NXN: variants seen among roughly 807,000 people sequenced by gnomAD.
NXN encodes nucleoredoxin 1.
A neutral mutation model predicts 48.6 loss-of-function variants in NXN; 16 were observed. The observed-to-expected ratio is 0.33, with a 90% confidence interval of 0.22 to 0.50. NXN has a LOEUF of 0.50. Among genes scored for constraint, NXN ranks in the 20% least tolerant of loss-of-function variants. The probability of loss-of-function intolerance (pLI) is 0.98; values close to 1 mark genes in which losing one functional copy is unlikely to be tolerated. For synonymous variants in NXN, 281 were observed against 269.6 expected (o/e 1.04, Z -0.41); for missense variants, 492 against 605.5 (o/e 0.81, Z 1.97).
intron 1 of NXN, among the ~76,000 whole-genome samples, chr17:827,404 C>T (rs1184430217): frequency 6.6e-5 from 10 of 151,376 alleles, no homozygotes; most frequent in African/African-American, 1.9e-4. Flanking sequence ...GGGTGGATCA[C>T]GAGGCCAGGA....
chr17:842,923 G>A lies in NXN; in HGVS notation c.361-16845C>T, dbSNP rs1056996802. On this transcript the variant is annotated intron_variant, in intron 1 of 7. Coordinates refer to ENST00000336868, the MANE Select transcript of NXN (RefSeq NM_022463.5). Reference sequence around the variant, plus strand: ...CATTGCACTCCAGCCTGGGCAACAAGAGCAAAATTCCGTCTCAAAAAAAGA... The same window carrying A: ...CATTGCACTCCAGCCTGGGCAACAAAAGCAAAATTCCGTCTCAAAAAAAGA... Among the ~76,000 whole-genome samples the A allele has an allele frequency of 2.7e-5, 4 of 150,370 alleles. No homozygotes were observed. The Admixed American group carries it at 2.7e-4, about 10-fold the overall frequency.
intron 5 of NXN, among the ~76,000 whole-genome samples, chr17:806,953 C>T (rs543206678): frequency 2.4e-4 from 36 of 152,268 alleles, no homozygotes; most frequent in Admixed American, 4.6e-4. Flanking sequence ...CACACGCACG[C>T]GCCCACACAC....
At chr17:923,000 T>G (rs2068763793) in intron 1 of NXN, among the ~76,000 whole-genome samples, 1 of 152,060 alleles carries the variant, frequency 6.6e-6, no homozygotes, top group African/African-American at 2.4e-5. Flanking sequence ...GGGCCTGAGC[T>G]GGGAGCCCAG....
Position 849,275 on chromosome 17 carries a change from G to A in NXN, c.361-23197C>T, listed in dbSNP as rs1259897469. Among the ~76,000 whole-genome samples the A allele has an allele frequency of 2.6e-5, 4 of 152,222 alleles. No individual in the cohort carries two copies. Among genetic ancestry groups the A allele is most frequent in the Admixed American group, 6.5e-5 (1 of 15,288 alleles). ...CAGCTGGGCGCAGTGGCTCACGCCT[G>A]TAATCCCAGCACTTTGGGAGGCCGA... On this transcript the variant is annotated intron_variant, in intron 1 of 7. Transcript: ENST00000336868. The surrounding 1 kb of genome is among the most constrained non-coding windows in gnomAD (Gnocchi z 4.2).
In NXN at chr17:915,142, G is replaced by A. The variant is rs536124452; in HGVS notation, c.360+64177C>T. Among the ~76,000 whole-genome samples the A allele has an allele frequency of 4.6e-5, 7 of 152,180 alleles. No homozygotes were observed. The South Asian group carries it at 6.2e-4, about 14-fold the overall frequency. On this transcript the variant is annotated intron_variant, in intron 1 of 7. Coordinates refer to ENST00000336868, the MANE Select transcript of NXN (RefSeq NM_022463.5). ...GTAGAAATGGGGTTTCACCATATTG[G>A]CCAGGCTGGCCTCGAACTTCTGACC...
intron 1 of NXN, among the ~76,000 whole-genome samples, chr17:926,534 G>GTTTTTTTTTTTTTTT (rs60470915): frequency 7.1e-6 from 1 of 141,510 alleles, no homozygotes. Context: ...CATGTTTTTT[G>GTTTTTTTTTTTTTTT]TTTTTTTTTT....
At chr17:949,707 C>A (rs972907209) in intron 1 of NXN, among the ~76,000 whole-genome samples, 1 of 139,386 alleles carries the variant, frequency 7.2e-6, no homozygotes, top group Non-Finnish European at 1.6e-5. Context: ...CTGCCTCCTC[C>A]TCTCCCTGCT....
At chr17:864,128 G>A (rs986273953) in intron 1 of NXN, 30 of 1,447,324 alleles carry the variant, frequency 2.1e-5, no homozygotes, top group East Asian at 2.8e-5. Flanking sequence ...GCTCACTTCC[G>A]GTGAAGGGGC....
intron 1 of NXN, chr17:896,861 GC>G: frequency 8.4e-5 from 95 of 1,124,608 alleles, no homozygotes; most frequent in Admixed American, 1.3e-4. Flanking sequence ...CTGACCACCC[GC>G]CCCCGGCCCC....
chr17:943,773 C>T (rs1357693133), intron 1 of NXN, among the ~76,000 whole-genome samples: 2 of 151,244 alleles, frequency 1.3e-5, no homozygotes, highest in African/African-American at 2.4e-5. Context: ...TGCAGGGAGC[C>T]GAGATCGCGC....
intron 7 of NXN, among the ~76,000 whole-genome samples, chr17:802,188 C>G (rs375192919): frequency 1.3e-5 from 2 of 152,086 alleles, no homozygotes; most frequent in South Asian, 2.1e-4. Flanking sequence ...GTGGCGCAGT[C>G]ATAGCTCACT....
chr17:965,090 G>T (rs1194292761), intron 1 of NXN, among the ~76,000 whole-genome samples: 4 of 152,116 alleles, frequency 2.6e-5, no homozygotes, highest in Admixed American at 6.6e-5. Flanking sequence ...ACTATTGGGC[G>T]TATCTAGCCA....
At chr17:819,166 C>T (rs762668917) in intron 5 of NXN, 10 of 436,936 alleles carry the variant, frequency 2.3e-5, no homozygotes, top group South Asian at 1.9e-4. Context: ...AAACTGGTCT[C>T]GAACTCCTGA....
chr17:901,741 C>T (rs956274783), intron 1 of NXN, among the ~76,000 whole-genome samples: 1 of 152,094 alleles, frequency 6.6e-6, no homozygotes, highest in Non-Finnish European at 1.5e-5. Context: ...GCTCTGTCGC[C>T]CAAGCCGCAG....
chr17:836,127 G>T (rs8071462), intron 1 of NXN, among the ~76,000 whole-genome samples: 1 of 127,970 alleles, frequency 7.8e-6, no homozygotes, highest in African/African-American at 3.0e-5. Context: ...GGCCGCAGGG[G>T]AAAAACACCG....
In NXN at chr17:887,199, G is replaced by C. The variant is rs549339081; in HGVS notation, c.361-61121C>G. Among the ~76,000 whole-genome samples the C allele has an allele frequency of 2.6e-5, 4 of 152,152 alleles. No individual in the cohort carries two copies. The South Asian group carries it at 8.3e-4, about 32-fold the overall frequency. On this transcript the variant is annotated intron_variant, in intron 1 of 7. Transcript: ENST00000336868. Reference sequence around the variant, plus strand: ...TCCAAAGTGCTGGGATTACAGGCGTGAGCCACCGCGCCTGGCCTCAGTCTT... The same window carrying C: ...TCCAAAGTGCTGGGATTACAGGCGTCAGCCACCGCGCCTGGCCTCAGTCTT...
At chr17:816,572 TA>T (rs992275516) in intron 5 of NXN, among the ~76,000 whole-genome samples, 89 of 152,166 alleles carry the variant, frequency 5.8e-4, no homozygotes, top group African/African-American at 2.1e-3. Context: ...CAAATCTCCC[TA>T]CCCCAGCACT....
chr17:897,063 G>C (rs560791), intron 1 of NXN: 1 of 1,071,112 alleles, frequency 9.3e-7, no homozygotes, highest in African/African-American at 1.7e-5. Flanking sequence ...ACACGCGTGA[G>C]CTTTGACAGC....
At chr17:843,611 G>A (rs868300591) in intron 1 of NXN, among the ~76,000 whole-genome samples, 3 of 152,230 alleles carry the variant, frequency 2.0e-5, no homozygotes, top group African/African-American at 7.2e-5. Context: ...ATAGGAGGGG[G>A]AGTGAGGAGC....
Sources: gnomAD v4.1 joint callset for allele counts (sites outside exome capture counted in the v4.1 genomes callset) on GRCh38, gnomAD v4.1.1 for gene constraint, Gnocchi (gnomAD v3.1) non-coding constraint, MANE v1.5 for transcripts, NCBI Gene and HGNC (gene_info 2026-07-23, HGNC 2026-07-21) for gene names.